Variants in SAGE1 observed in about 807,000 individuals in gnomAD.
SAGE1 encodes the protein sarcoma antigen 1, also known as cancer/testis antigen 14.
In SAGE1, 55 loss-of-function variants were observed where a neutral mutation model predicts 55.4. That is an observed-to-expected ratio of 0.99 (90% CI 0.80 to 1.24). The LOEUF (loss-of-function observed/expected upper bound fraction) is 1.24, where lower values mean the gene tolerates loss of function less well. Ranked by LOEUF, SAGE1 falls within the 50% of genes most tolerant of loss-of-function variation. SAGE1 has a pLI of 0.00. For missense variants in SAGE1, 710 were observed against 704.4 expected (o/e 1.01, Z -0.09); for synonymous variants, 240 against 244.3 (o/e 0.98, Z 0.17).
chrX:135,896,354 C>T (rs1255667107), intron 2 of SAGE1, 25 bp downstream of exon 2: 11 of 1,010,560 alleles, frequency 1.1e-5, no homozygotes, highest in Non-Finnish European at 1.5e-5. Context: ...TCTATTTCTG[C>T]CCTAATTGTG....
Position 135,912,829 on chromosome X carries a change from G to A in SAGE1, c.2647G>A (p.Glu883Lys), listed in dbSNP as rs1556607186. 10 of 1,209,967 alleles carry A rather than the reference G, an allele frequency of 8.3e-6. No homozygotes were observed. Among genetic ancestry groups the A allele is most frequent in the South Asian group, 5.3e-5 (3 of 56,741 alleles). Residue 883 changes from glutamate (E) to lysine (K), a missense_variant, in exon 20 of 20, where the codon GAG (glutamate) becomes AAG (lysine). Physicochemically the swap from Glu to Lys is moderately conservative, Grantham distance 56. Transcript: ENST00000370709. Reference protein sequence around the residue: ...FKKVVLIQQLEKALKEIDSHC... With the variant: ...FKKVVLIQQLKKALKEIDSHC... ...AAAAGTTGTCTTAATTCAGCAACTC[G>A]AGAAGGCGCTTAAAGAAATAGATTC...
At chrX:135,894,145 C>T (rs2088546099) in intron 1 of SAGE1, among the ~76,000 whole-genome samples, 1 of 111,994 alleles carries the variant, frequency 8.9e-6, no homozygotes, top group African/African-American at 3.2e-5. Context: ...ATGATCTTGG[C>T]TCACCCAACC....
intron 16 of SAGE1, 68 bp downstream of exon 16, chrX:135,910,623 A>G: frequency 2.9e-6 from 3 of 1,035,701 alleles, no homozygotes; most frequent in South Asian, 2.0e-5. Context: ...CATGAATGGT[A>G]GAAGGTAATT....
chrX:135,904,682 T>C lies in SAGE1; in HGVS notation c.313+113T>C, dbSNP rs2088752336. 19 of 502,158 alleles carry C rather than the reference T, an allele frequency of 3.8e-5. No homozygotes were observed. In the Admixed American group the frequency reaches 6.5e-4, roughly 17 times the overall value. 41.4% of individuals were successfully genotyped at this position (502,158 alleles called of 1,213,427 possible). A position where few individuals can be genotyped will look rare whatever the true frequency, so the allele number is the denominator to read the frequency against. ...TAAGCAGGCATATTTTCATGAATTA[T>C]AGAAGGTGGTTTTGTTGTATATTCT... On this transcript the variant is annotated intron_variant, in intron 4 of 19. Transcript: ENST00000370709.
rs1309868780 is a variant in SAGE1 at position 135,907,396 on chromosome X, C to A, written c.961C>A (p.Pro321Thr). 45 of 1,205,764 alleles carry A rather than the reference C, an allele frequency of 3.7e-5. No individual in the cohort carries two copies. Among genetic ancestry groups the A allele is most frequent in the Middle Eastern group, 2.3e-4 (1 of 4,355 alleles). ...QPNNVLSTVQ[P>T]VIIYLTATGI... ...TAATAACGTATTGTCAACTGTTCAA[C>A]CAGTGATTATTTATTTGACAGCAAC... The change falls in exon 9 of 20, where the codon CCA becomes ACA. Residue 321 changes from proline (P) to threonine (T), a missense_variant. Pro to Thr is a conservative substitution (Grantham distance 38). Coordinates refer to ENST00000370709, the MANE Select transcript of SAGE1 (RefSeq NM_001381902.1).
At chrX:135,898,372 T>G (rs1490564601) in intron 2 of SAGE1, among the ~76,000 whole-genome samples, 1 of 112,583 alleles carries the variant, frequency 8.9e-6, no homozygotes, top group Non-Finnish European at 1.9e-5. Context: ...ATGTACTACA[T>G]TTTCTTTATC....
Position 135,907,352 on chromosome X carries a change from A to T in SAGE1, c.917A>T (p.Glu306Val). ...VPHNVCEEKM[E>V]NDQPQPNNVL... Reference sequence around the variant, plus strand: ...CACAATGTCTGTGAAGAGAAGATGGAAAATGACCAACCGCAACCTAATAAC... The same window carrying T: ...CACAATGTCTGTGAAGAGAAGATGGTAAATGACCAACCGCAACCTAATAAC... The change falls in exon 9 of 20, where the codon GAA becomes GTA. Residue 306 changes from glutamate (E) to valine (V), a missense_variant. Glu to Val is a moderately radical substitution (Grantham distance 121). Coordinates refer to ENST00000370709, the MANE Select transcript of SAGE1 (RefSeq NM_001381902.1). The T allele has an allele frequency of 8.3e-7, 1 of 1,207,572 alleles. No individual in the cohort carries two copies. The highest frequency in any genetic ancestry group is 1.1e-6 in the Non-Finnish European group (1 of 892,636).
intron 1 of SAGE1, among the ~76,000 whole-genome samples, chrX:135,895,622 G>A (rs1845281526): frequency 8.9e-6 from 1 of 111,808 alleles, no homozygotes; most frequent in Non-Finnish European, 1.9e-5. Context: ...TAATCAGAGT[G>A]TTCTAGTCAC....
At chrX:135,912,135 T>C (rs370254435) in intron 18 of SAGE1, 182 bp downstream of exon 18, 1 of 753,176 alleles carries the variant, frequency 1.3e-6, no homozygotes. Flanking sequence ...GTGTTTTGTT[T>C]TCCTTTGTTA....
intron 13 of SAGE1, among the ~76,000 whole-genome samples, 180 bp from the exon 14 acceptor site, chrX:135,909,456 GGAA>G (rs2088855592): frequency 9.0e-6 from 1 of 111,279 alleles, no homozygotes; most frequent in Non-Finnish European, 1.9e-5. Flanking sequence ...TGTCATGCAG[GGAA>G]GAAGGTGGTT....
chrX:135,908,870 C>A lies in SAGE1; in HGVS notation c.1448C>A (p.Thr483Asn). 14 of 1,209,806 alleles carry A rather than the reference C, an allele frequency of 1.2e-5. No individual in the cohort carries two copies. The highest frequency in any genetic ancestry group is 1.6e-5 in the Non-Finnish European group (14 of 894,404). ...PAMSSRDLYA[T>N]ITHSVREEKM... ...CTCTCCCTTTGGTTTCCAGATGCTA[C>A]CATTACTCACAGTGTTCGTGAAGAG... The change falls in exon 13 of 20, where the codon ACC becomes AAC. Residue 483 changes from threonine to asparagine, a missense_variant. By Grantham distance (65) the Thr-to-Asn change is moderately conservative (BLOSUM62 0). Transcript: ENST00000370709.
chrX:135,907,304 G>A lies in SAGE1; in HGVS notation c.878-9G>A. Reference sequence around the variant, plus strand: ...TACTCACAGCTCAACCTCTTCATTTGTTTTCCAGATTCCACCGTCCCTCAC... The same window carrying A: ...TACTCACAGCTCAACCTCTTCATTTATTTTCCAGATTCCACCGTCCCTCAC... On this transcript the variant is annotated splice_polypyrimidine_tract_variant and intron_variant, in intron 8 of 19. Coordinates refer to ENST00000370709, the MANE Select transcript of SAGE1 (RefSeq NM_001381902.1). 24 of 1,204,104 alleles carry A rather than the reference G, an allele frequency of 2.0e-5. No individual in the cohort carries two copies. Among genetic ancestry groups the A allele is most frequent in the Non-Finnish European group, 2.7e-5 (24 of 891,437 alleles).
intron 2 of SAGE1, among the ~76,000 whole-genome samples, chrX:135,900,278 T>A (rs2088651645): frequency 8.9e-6 from 1 of 112,035 alleles, no homozygotes; most frequent in Admixed American, 9.5e-5. Context: ...TAGTTCTGTT[T>A]ATGTGATGAA....
intron 3 of SAGE1, among the ~76,000 whole-genome samples, chrX:135,902,292 T>A (rs1391486474): frequency 2.9e-4 from 32 of 111,977 alleles, no homozygotes; most frequent in Admixed American, 2.7e-3. Flanking sequence ...ATTATACTTC[T>A]ACACTACAAC....
chrX:135,903,229 G>C (rs781846550), intron 3 of SAGE1, among the ~76,000 whole-genome samples: 3 of 112,728 alleles, frequency 2.7e-5, no homozygotes, highest in African/African-American at 9.6e-5. Context: ...TGCACAGGAG[G>C]CTCTGCTTCT....
rs201538619 is a variant in SAGE1, at chrX:135,906,497, C to T, written c.682C>T (p.Arg228Trp). 135 of 1,209,124 alleles carry T rather than the reference C, an allele frequency of 1.1e-4. No homozygotes were observed. Among genetic ancestry groups the T allele is most frequent in the Middle Eastern group, 4.6e-4 (2 of 4,346 alleles). The part of the protein sequence containing the change: ...PDNVLLTLRP[R>W]RINMTDTGIS... Reference sequence around the variant, plus strand: ...TAACGTGTTGTTGACTCTTCGACCACGGCGTATTAATATGACAGACACTGG... The same window carrying T: ...TAACGTGTTGTTGACTCTTCGACCATGGCGTATTAATATGACAGACACTGG... Residue 228 changes from arginine to tryptophan, a missense_variant, in exon 7 of 20, where the codon CGG becomes TGG. Coordinates refer to ENST00000370709, the MANE Select transcript of SAGE1 (RefSeq NM_001381902.1).
chrX:135,911,555 T>C (rs1556606520), intron 17 of SAGE1, 24 bp from the exon 18 acceptor site: 1 of 1,123,654 alleles, frequency 8.9e-7, no homozygotes, highest in South Asian at 1.9e-5. Flanking sequence ...ATCTCACAGC[T>C]CAATTTTTTC....
Position 135,908,572 on chromosome X carries a change from A to AAT in SAGE1, c.1399_1400dup (p.Met467IlefsTer10), listed in dbSNP as rs1556603895. 2 of 1,204,920 alleles carry AAT rather than the reference A, an allele frequency of 1.7e-6. No individual in the cohort carries two copies. Among genetic ancestry groups the AAT allele is most frequent in the Non-Finnish European group, 2.2e-6 (2 of 892,759 alleles). ...GTCAAATGTTCTATCCGGGCTTATT[A>AAT]ATATGGCAGGAGCTAGTATTCCAGC... On this transcript the variant is annotated frameshift_variant, in exon 12 of 20. Transcript: ENST00000370709. LOFTEE classifies it high-confidence loss of function.
intron 3 of SAGE1, 78 bp downstream of exon 3, chrX:135,901,769 A>G: frequency 1.0e-6 from 1 of 964,550 alleles, no homozygotes; most frequent in Non-Finnish European, 1.4e-6. Flanking sequence ...ATGAACAGAT[A>G]TGAGCACATT....
Sources: gnomAD v4.1 joint callset for allele counts (sites outside exome capture counted in the v4.1 genomes callset) on GRCh38, gnomAD v4.1.1 for gene constraint, MANE v1.5 for transcripts, NCBI Gene and HGNC (gene_info 2026-07-23, HGNC 2026-07-21) for gene names.